The following HECW2 variants were observed in gnomAD, a reference collection of about 807,000 sequenced individuals.
The protein encoded by HECW2 is HECT, C2 and WW domain containing E3 ubiquitin protein ligase 2, also known as E3 ubiquitin-protein ligase HECW2.
A neutral mutation model predicts 175.2 loss-of-function variants in HECW2; 61 were observed. The ratio of observed to expected loss-of-function variants is 0.35; its 90% CI spans 0.28 to 0.43. The LOEUF (loss-of-function observed/expected upper bound fraction) is 0.43, where lower values mean the gene tolerates loss of function less well. Ranked by LOEUF, HECW2 falls within the 20% of genes least tolerant of loss-of-function variation. The pLI is 1.00. For synonymous variants in HECW2, 671 were observed against 731.0 expected (o/e 0.92, Z 1.32); for missense variants, 1,524 against 2,000.5 (o/e 0.76, Z 4.54).
At chr2:196,451,974 GTA>G (rs1372927518) in intron 1 of HECW2, among the ~76,000 whole-genome samples, 1 of 152,178 alleles carries the variant, frequency 6.6e-6, no homozygotes, top group Non-Finnish European at 1.5e-5. Context: ...GGTGTAGGAA[GTA>G]TTAGTCTCCA....
intron 1 of HECW2, among the ~76,000 whole-genome samples, chr2:196,436,311 G>A (rs1695870869): frequency 6.7e-6 from 1 of 149,054 alleles, no homozygotes; most frequent in Non-Finnish European, 1.5e-5. Flanking sequence ...TGAGGCAGGA[G>A]AATGGCATGA....
rs116865747 is a variant in HECW2 at position 196,531,126 on chromosome 2, C to A, written c.-36+62382G>T. On this transcript the variant is annotated intron_variant, in intron 1 of 28. Transcript: ENST00000644978. ...TTACGCACTGTGGTTCATTAATTAG[C>A]ATAAGGGATGCCAGAAATAATGTTT... 6.4e-4 allele frequency among the ~76,000 whole-genome samples: 97 copies of A among 152,232 alleles called. 2 individuals are homozygous for A. In the East Asian group the frequency reaches 0.018, roughly 29 times the overall value.
intron 1 of HECW2, chr2:196,592,503 T>G (rs1691235788): frequency 6.6e-6 from 1 of 152,290 alleles, no homozygotes; most frequent in Admixed American, 6.5e-5. Flanking sequence ...TACGTCTAAA[T>G]CTGCAGCCCC....
At chr2:196,308,200 T>C in intron 10 of HECW2, 115 bp from the exon 11 acceptor site, 1 of 700,528 alleles carries the variant, frequency 1.4e-6, no homozygotes, top group Non-Finnish European at 2.2e-6. Flanking sequence ...CTGAGACTAA[T>C]AACATACATC....
At chr2:196,449,205 G>A (rs1696274862) in intron 1 of HECW2, among the ~76,000 whole-genome samples, 1 of 151,930 alleles carries the variant, frequency 6.6e-6, no homozygotes. Context: ...AGTACATTAT[G>A]CACAGAACTA....
At chr2:196,490,565 C>T (rs778759120) in intron 1 of HECW2, among the ~76,000 whole-genome samples, 1 of 152,126 alleles carries the variant, frequency 6.6e-6, no homozygotes, top group Non-Finnish European at 1.5e-5. Flanking sequence ...GTTAAACATA[C>T]ATTTACCATA....
At chr2:196,361,979 T>A in intron 2 of HECW2, 5 of 985,420 alleles carry the variant, frequency 5.1e-6, no homozygotes, top group Non-Finnish European at 6.0e-6. Flanking sequence ...GGTCTGGAGT[T>A]CTAAGGTGGC....
chr2:196,585,339 T>C (rs1323294289), intron 1 of HECW2, among the ~76,000 whole-genome samples: 1 of 152,228 alleles, frequency 6.6e-6, no homozygotes, highest in African/African-American at 2.4e-5. Context: ...AATGCATGAA[T>C]GACTTTTGTC....
chr2:196,357,046 G>C (rs974632853), intron 2 of HECW2, among the ~76,000 whole-genome samples: 2 of 152,152 alleles, frequency 1.3e-5, no homozygotes, highest in Admixed American at 1.3e-4. Flanking sequence ...GTCATTAAAG[G>C]ATTTAAAGCA....
intron 4 of HECW2, among the ~76,000 whole-genome samples, chr2:196,330,519 T>C (rs1028003461): frequency 1.3e-5 from 2 of 152,238 alleles, no homozygotes; most frequent in African/African-American, 4.8e-5. Context: ...TCTTTGGAGC[T>C]CTCTGCTCAA....
intron 13 of HECW2, among the ~76,000 whole-genome samples, chr2:196,303,381 A>C (rs1473272509): frequency 6.6e-6 from 1 of 152,158 alleles, no homozygotes; most frequent in Admixed American, 6.5e-5. Flanking sequence ...TTTCTGTTAT[A>C]TCTCTGCCAA....
chr2:196,377,493 G>A (rs1212553879), intron 2 of HECW2, among the ~76,000 whole-genome samples: 2 of 152,204 alleles, frequency 1.3e-5, no homozygotes, highest in Non-Finnish European at 2.9e-5. Context: ...AGGCAAGAGA[G>A]GGCTTGTGCA....
At position 196,593,496 on chromosome 2, in the gene HECW2, C is replaced by G. The variant is rs1691290082; in HGVS notation, c.-36+12G>C. The G allele has an allele frequency of 6.6e-6, 1 of 152,194 alleles. No individual in the cohort carries two copies. The highest frequency in any genetic ancestry group is 2.1e-4 in the South Asian group (1 of 4,824). The allele number at this position is 152,194 out of a possible 1,614,324, so 9.4% of individuals were successfully genotyped here. On this transcript the variant is annotated intron_variant, in intron 1 of 28. Transcript: ENST00000644978. ...CCCGGTCCGCGGAGAGCGAAGAGTC[C>G]GGCCTCCTCACCTCCAGCCGCGCCG...
At chr2:196,458,969 T>A (rs1696628912) in intron 1 of HECW2, among the ~76,000 whole-genome samples, 1 of 152,230 alleles carries the variant, frequency 6.6e-6, no homozygotes, top group South Asian at 2.1e-4. Flanking sequence ...TTATTATATG[T>A]CCAGTTCCAT....
chr2:196,343,614 C>T (rs763706174), intron 3 of HECW2, 43 bp downstream of exon 3: 1 of 1,236,288 alleles, frequency 8.1e-7, no homozygotes, highest in South Asian at 1.2e-5. Flanking sequence ...CATACTTATG[C>T]AATGTTCAAT....
rs1575463623 is a variant in HECW2, at chr2:196,363,210, A to C, written c.293-19446T>G. On this transcript the variant is annotated intron_variant, in intron 2 of 28. Coordinates refer to ENST00000644978, the MANE Select transcript of HECW2 (RefSeq NM_001348768.2). ...ACTTTCCAGTGTCCTAGCAAACAAC[A>C]ATAATAGCAAGCATGTTCAGAATGG... Among the ~76,000 whole-genome samples, 3 of 152,176 alleles carry C rather than the reference A, an allele frequency of 2.0e-5. No homozygotes were observed. The Middle Eastern group carries it at 0.01, about 518-fold the overall frequency.
intron 2 of HECW2, among the ~76,000 whole-genome samples, chr2:196,429,668 G>A (rs1018527217): frequency 2.0e-5 from 3 of 152,196 alleles, no homozygotes; most frequent in Non-Finnish European, 4.4e-5. Flanking sequence ...AACTTATGAG[G>A]TGACTCTATG....
chr2:196,254,751 T>G (rs1688988501), intron 18 of HECW2, among the ~76,000 whole-genome samples: 2 of 152,228 alleles, frequency 1.3e-5, no homozygotes, highest in Non-Finnish European at 2.9e-5. Flanking sequence ...ATATGAGAGT[T>G]CTTATGTATC....
At position 196,275,132 on chromosome 2, in the gene HECW2, T is replaced by C. The variant is rs113607850; in HGVS notation, c.3136-1009A>G. ...CCACCGCTTGCTTGTCCTTCAAGAA[T>C]GCTCTCACTCATTCTTCAAAGCGTA... On this transcript the variant is annotated intron_variant, in intron 15 of 28. Transcript: ENST00000644978. Among the ~76,000 whole-genome samples the C allele has an allele frequency of 3.1e-3, 466 of 152,318 alleles. 1 individual carries two copies. The highest frequency in any genetic ancestry group is 1.0e-2 in the African/African-American group (415 of 41,576).
Sources: allele counts gnomAD v4.1 joint callset (sites outside exome capture counted in the v4.1 genomes callset), GRCh38; gene constraint gnomAD v4.1.1; transcripts MANE v1.5; gene names NCBI Gene and HGNC (gene_info 2026-07-23, HGNC 2026-07-21).